Variants in AP3M1 observed in about 807,000 individuals in gnomAD.
AP3M1 encodes adaptor related protein complex 3 subunit mu 1.
AP3M1 carries 29 observed loss-of-function variants against 42.6 expected under a neutral mutation model. The observed-to-expected ratio is 0.68, with a 90% CI of 0.51 to 0.93. The LOEUF (loss-of-function observed/expected upper bound fraction) is 0.93, where lower values mean the gene tolerates loss of function less well. Ranked by LOEUF, AP3M1 falls within the 40% of genes least tolerant of loss-of-function variation. The pLI is 0.00. For missense variants in AP3M1, 416 were observed against 510.2 expected, an observed-to-expected ratio of 0.82 and a Z score of 1.78; for synonymous variants, 178 against 175.3, an observed-to-expected ratio of 1.02 and a Z score of -0.12.
intron 6 of AP3M1, 113 bp downstream of exon 6, chr10:74,128,995 T>G: frequency 7.8e-7 from 1 of 1,282,492 alleles, no homozygotes; most frequent in Non-Finnish European, 1.1e-6. Context: ...TGGTGAGCTA[T>G]GGTTAAAGTG....
intron 2 of AP3M1, among the ~76,000 whole-genome samples, chr10:74,137,235 G>A (rs757854727): frequency 2.1e-4 from 28 of 134,758 alleles, no homozygotes; most frequent in South Asian, 2.3e-4. Context: ...GTGAGACTCC[G>A]TCTCAAACAA....
At chr10:74,128,244 A>ATTT (rs113305142) in intron 6 of AP3M1, among the ~76,000 whole-genome samples, 2 of 145,428 alleles carry the variant, frequency 1.4e-5, no homozygotes, top group African/African-American at 5.0e-5. Context: ...CCAATGCTAA[A>ATTT]TTTTTTTTTT....
chr10:74,137,810 C>T (rs551386426), intron 2 of AP3M1, among the ~76,000 whole-genome samples: 8 of 152,122 alleles, frequency 5.3e-5, no homozygotes, highest in Non-Finnish European at 1.0e-4. Flanking sequence ...GAAGTTTGTA[C>T]ATGTTCAGTT....
chr10:74,137,995 A>G, intron 2 of AP3M1, 112 bp downstream of exon 2: 1 of 1,139,112 alleles, frequency 8.8e-7, no homozygotes. Flanking sequence ...ACGCTTAAAC[A>G]GAGAGAGACA....
chr10:74,144,182 C>A (rs540193345), intron 1 of AP3M1, among the ~76,000 whole-genome samples: 2 of 152,150 alleles, frequency 1.3e-5, no homozygotes, highest in African/African-American at 4.8e-5. Context: ...AGGATGGTCT[C>A]GATCTCCGGA....
intron 3 of AP3M1, 90 bp from the exon 4 acceptor site, chr10:74,134,254 T>C: frequency 1.4e-6 from 2 of 1,384,386 alleles, no homozygotes; most frequent in Non-Finnish European, 2.0e-6. Flanking sequence ...GCTTCTTCAA[T>C]GTTTGGATTT....
rs745414174 is a variant in AP3M1 at position 74,134,035 on chromosome 10, T to G, written c.575A>C (p.Asp192Ala). ...GACATGCACACAATTACCTGATTTA[T>G]CTATAATTGCGTCTATTTCTTCAAC... is the stretch of plus-strand genomic sequence containing the variant. ...DVVEEIDAII[D>A]KSGSTVFAEI... The change falls in exon 4 of 9, where the codon GAT (aspartate) becomes GCT (alanine). Residue 192 changes from aspartate to alanine, a missense_variant. By Grantham distance (126) the Asp-to-Ala change is moderately radical. Transcript: ENST00000355264. 5 of 1,613,906 alleles carry G rather than the reference T, an allele frequency of 3.1e-6. No individual in the cohort carries two copies. Among genetic ancestry groups the G allele is most frequent in the Non-Finnish European group, 3.4e-6 (4 of 1,179,914 alleles).
At chr10:74,123,989 A>C (rs974404028) in intron 8 of AP3M1, 79 bp from the exon 9 acceptor site, 16 of 1,223,114 alleles carry the variant, frequency 1.3e-5, no homozygotes, top group African/African-American at 1.1e-4. Flanking sequence ...CTATATGGTA[A>C]ATCTGACATT....
chr10:74,126,070 T>C (rs1840604752), intron 7 of AP3M1, 78 bp downstream of exon 7: 2 of 1,485,150 alleles, frequency 1.3e-6, no homozygotes, highest in Non-Finnish European at 1.9e-6. Flanking sequence ...GTGCCAAACC[T>C]TTCCCTCCAT....
intron 4 of AP3M1, among the ~76,000 whole-genome samples, chr10:74,133,002 C>A (rs1840826360): frequency 6.6e-6 from 1 of 151,994 alleles, no homozygotes; most frequent in Non-Finnish European, 1.5e-5. Context: ...CCTGTAATCC[C>A]AGCCCTTTGG....
intron 1 of AP3M1, among the ~76,000 whole-genome samples, chr10:74,141,106 T>C (rs749528533): frequency 2.0e-5 from 3 of 152,126 alleles, no homozygotes; most frequent in Non-Finnish European, 2.9e-5. Flanking sequence ...TTTGAAACCA[T>C]ATATCTTAAA....
Position 74,123,740 on chromosome 10 carries a change from G to T in AP3M1, c.*70C>A. 2 of 1,160,492 alleles carry T rather than the reference G, an allele frequency of 1.7e-6. No homozygotes were observed. Among genetic ancestry groups the T allele is most frequent in the Non-Finnish European group, 2.6e-6 (2 of 769,096 alleles). The allele number at this position is 1,160,492 out of a possible 1,614,324, so 71.9% of individuals were successfully genotyped here. ...CTAGAATATGTATTCCCACTCACTT[G>T]GTACCTAATAGTGATACATCGTAAT... On this transcript the variant is annotated 3_prime_UTR_variant, in exon 9 of 9. Transcript: ENST00000355264.
At chr10:74,150,699 A>G (rs1288452517) in intron 1 of AP3M1, 56 bp downstream of exon 1, 1 of 153,874 alleles carries the variant, frequency 6.5e-6, no homozygotes, top group Non-Finnish European at 1.4e-5. Flanking sequence ...TATTCAGCCT[A>G]CTCCCGGGTT....
chr10:74,144,278 T>G (rs1029201265), intron 1 of AP3M1, among the ~76,000 whole-genome samples: 9 of 152,024 alleles, frequency 5.9e-5, no homozygotes, highest in African/African-American at 1.4e-4. Context: ...TTTTATTTTT[T>G]TTTTGAGATA....
intron 4 of AP3M1, among the ~76,000 whole-genome samples, chr10:74,130,772 CT>C (rs1415114337): frequency 1.3e-5 from 2 of 152,220 alleles, no homozygotes; most frequent in East Asian, 3.9e-4. Context: ...GAAAATTAAA[CT>C]GTTTCCTTTA....
At chr10:74,134,966 C>A (rs1840897658) in intron 3 of AP3M1, among the ~76,000 whole-genome samples, 2 of 151,988 alleles carry the variant, frequency 1.3e-5, no homozygotes, top group African/African-American at 4.8e-5. Context: ...TTGAATATTT[C>A]CACCACCAGA....
At chr10:74,148,399 C>T (rs1201725390) in intron 1 of AP3M1, among the ~76,000 whole-genome samples, 1 of 152,122 alleles carries the variant, frequency 6.6e-6, no homozygotes, top group Non-Finnish European at 1.5e-5. Context: ...TGATGGCTCT[C>T]CTTCTCTGTG....
At position 74,149,267 on chromosome 10, in the gene AP3M1, GTTTTTTTTTTTTTTTT is replaced by G. The variant is rs57279906; in HGVS notation, c.-4+1472_-4+1487del. Among the ~76,000 whole-genome samples the G allele has an allele frequency of 2.6e-3, 159 of 60,066 alleles. 1 individual carries two copies. The highest frequency in any genetic ancestry group is 0.011 in the Admixed American group (40 of 3,704). The allele number at this position is 60,066 out of a possible 152,430, so 39.4% of individuals were successfully genotyped here. On this transcript the variant is annotated intron_variant, in intron 1 of 8. Coordinates refer to ENST00000355264, the MANE Select transcript of AP3M1 (RefSeq NM_012095.6). ...GAGAGCTTTCCTAAAGATACGTAAG[GTTTTTTTTTTTTTTTT>G]TTTTTTTTTTTTTTTTTTTTTTTCG... is the stretch of plus-strand genomic sequence containing the variant.
chr10:74,136,019 G>GT (rs978945869), intron 3 of AP3M1, among the ~76,000 whole-genome samples: 1 of 152,164 alleles, frequency 6.6e-6, no homozygotes, highest in African/African-American at 2.4e-5. Flanking sequence ...AAGAATATTG[G>GT]TATCTGGATG....
Sources: gnomAD v4.1 joint callset for allele counts (sites outside exome capture counted in the v4.1 genomes callset) on GRCh38, gnomAD v4.1.1 for gene constraint, MANE v1.5 for transcripts, NCBI Gene and HGNC (gene_info 2026-07-23, HGNC 2026-07-21) for gene names.